The following L3MBTL4 variants were observed in gnomAD, a reference collection of about 807,000 sequenced individuals.
L3MBTL4 encodes L3MBTL histone methyl-lysine binding protein 4, also known as lethal(3)malignant brain tumor-like protein 4.
Under a neutral mutation model 84.5 loss-of-function variants are expected in L3MBTL4, and 70 were observed. The ratio of observed to expected loss-of-function variants is 0.83; its 90% confidence interval spans 0.68 to 1.01. L3MBTL4 has a LOEUF of 1.01. Ranked by LOEUF, L3MBTL4 falls within the 50% of genes least tolerant of loss-of-function variation. The pLI is 0.00. For missense variants in L3MBTL4, 715 were observed against 754.8 expected, an observed-to-expected ratio of 0.95 and a Z score of 0.62; for synonymous variants, 274 against 259.8, an observed-to-expected ratio of 1.05 and a Z score of -0.52.
chr18:6,342,955 A>T (rs2052682533), intron 1 of L3MBTL4, among the ~76,000 whole-genome samples: 1 of 152,212 alleles, frequency 6.6e-6, no homozygotes. Context: ...CAGAAAAAAA[A>T]CTTCACTTTA....
At chr18:6,079,442 G>A (rs1013757922) in intron 16 of L3MBTL4, among the ~76,000 whole-genome samples, 1 of 152,196 alleles carries the variant, frequency 6.6e-6, no homozygotes, top group Non-Finnish European at 1.5e-5. Context: ...GTAAATGCAT[G>A]AATAAATAAA....
intron 12 of L3MBTL4, among the ~76,000 whole-genome samples, chr18:6,193,522 G>A (rs1266537960): frequency 6.6e-6 from 1 of 152,256 alleles, no homozygotes; most frequent in African/African-American, 2.4e-5. Flanking sequence ...AGAGCAGAAA[G>A]TGAAGAGAAC....
chr18:5,992,724 C>T (rs969025413), intron 16 of L3MBTL4, among the ~76,000 whole-genome samples: 8 of 152,156 alleles, frequency 5.3e-5, no homozygotes, highest in Non-Finnish European at 1.2e-4. Flanking sequence ...CCCACTCTCT[C>T]CCTCTTGCTC....
chr18:6,005,986 T>C (rs746538599), intron 16 of L3MBTL4, among the ~76,000 whole-genome samples: 1 of 148,456 alleles, frequency 6.7e-6, no homozygotes, highest in Non-Finnish European at 1.5e-5. Context: ...TGGTAAATTT[T>C]ATATTGTGTA....
chr18:5,972,894 GAA>G lies in L3MBTL4; in HGVS notation c.1445-3334_1445-3333del, dbSNP rs975055534. ...GAATAGAATAGAATAGAACAGAAGA[GAA>G]TAGAATAGAATAGAATAGAATAGAA... is the stretch of plus-strand genomic sequence containing the variant. On this transcript the variant is annotated intron_variant, in intron 16 of 18. Transcript: ENST00000317931. Among the ~76,000 whole-genome samples, 14 of 3,478 alleles carry G rather than the reference GAA, an allele frequency of 4.0e-3. No individual in the cohort carries two copies. In the African/African-American group the frequency reaches 0.042, roughly 10 times the overall value. The allele number at this position is 3,478 out of a possible 152,430, so 2.3% of individuals were successfully genotyped here.
chr18:5,987,099 A>T (rs2145091483), intron 16 of L3MBTL4, among the ~76,000 whole-genome samples: 1 of 152,308 alleles, frequency 6.6e-6, no homozygotes, highest in South Asian at 2.1e-4. Flanking sequence ...CCCCAGCCTC[A>T]GGCGACCAAG....
intron 1 of L3MBTL4, among the ~76,000 whole-genome samples, chr18:6,350,055 T>A (rs1040995035): frequency 3.9e-5 from 6 of 152,190 alleles, no homozygotes; most frequent in Non-Finnish European, 8.8e-5. Context: ...GATATTCACA[T>A]GCAAAATAAT....
chr18:6,306,451 G>C (rs540324995), intron 3 of L3MBTL4, among the ~76,000 whole-genome samples: 1 of 152,178 alleles, frequency 6.6e-6, no homozygotes, highest in Admixed American at 6.5e-5. Context: ...GAATTTTACT[G>C]ACTGTTGTAA....
chr18:6,147,239 C>T (rs1244958553), intron 13 of L3MBTL4, among the ~76,000 whole-genome samples: 1 of 151,928 alleles, frequency 6.6e-6, no homozygotes, highest in South Asian at 2.1e-4. Flanking sequence ...AATAATTACC[C>T]TTGAACATTG....
chr18:6,002,335 T>A (rs2054250590), intron 16 of L3MBTL4, among the ~76,000 whole-genome samples: 1 of 152,116 alleles, frequency 6.6e-6, no homozygotes, highest in Non-Finnish European at 1.5e-5. Flanking sequence ...CTCTAGACAC[T>A]AATTTGAAGG....
chr18:6,345,005 C>CA (rs1449693718), intron 1 of L3MBTL4, among the ~76,000 whole-genome samples: 3 of 151,170 alleles, frequency 2.0e-5, no homozygotes, highest in Admixed American at 2.0e-4. Context: ...AAAAGAAAAA[C>CA]AAAAAAAGGC....
chr18:6,224,472 C>T (rs2046693328), intron 10 of L3MBTL4, among the ~76,000 whole-genome samples: 1 of 152,164 alleles, frequency 6.6e-6, no homozygotes, highest in Non-Finnish European at 1.5e-5. Context: ...GGGGAACCAT[C>T]CCTCATGCAT....
intron 1 of L3MBTL4, among the ~76,000 whole-genome samples, chr18:6,386,176 C>T (rs1260656510): frequency 6.6e-6 from 1 of 152,114 alleles, no homozygotes; most frequent in Non-Finnish European, 1.5e-5. Flanking sequence ...GGAGGTTTCA[C>T]TGCATTTGAG....
chr18:5,976,906 G>T (rs1007041278), intron 16 of L3MBTL4, among the ~76,000 whole-genome samples: 1 of 152,240 alleles, frequency 6.6e-6, no homozygotes, highest in Middle Eastern at 3.4e-3. Flanking sequence ...GGAGTGTGCG[G>T]CAACCCAGCT....
At chr18:6,241,576 CT>C (rs1311499010) in intron 7 of L3MBTL4, 127 bp from the exon 8 acceptor site, 1 of 556,886 alleles carries the variant, frequency 1.8e-6, no homozygotes, top group African/African-American at 1.9e-5. Flanking sequence ...AACGCAATTA[CT>C]TTTGCACCAA....
intron 1 of L3MBTL4, among the ~76,000 whole-genome samples, chr18:6,388,366 A>G (rs341199): frequency 0.51 from 77,032 of 152,110 alleles, 19,585 homozygotes; most frequent in East Asian, 0.59. Context: ...TGCCAGCATT[A>G]TTTGCAGACA....
intron 16 of L3MBTL4, among the ~76,000 whole-genome samples, chr18:6,079,469 C>T (rs975686237): frequency 6.6e-6 from 1 of 152,204 alleles, no homozygotes; most frequent in Non-Finnish European, 1.5e-5. Context: ...TGGGTGTAAA[C>T]TCCTTATACA....
intron 1 of L3MBTL4, among the ~76,000 whole-genome samples, chr18:6,393,754 C>G (rs1371873800): frequency 6.6e-6 from 1 of 152,198 alleles, no homozygotes; most frequent in Non-Finnish European, 1.5e-5. Flanking sequence ...TCATCTCCCA[C>G]CCAGATTGTG....
At chr18:6,290,198 G>C (rs919358956) in intron 4 of L3MBTL4, among the ~76,000 whole-genome samples, 4 of 151,996 alleles carry the variant, frequency 2.6e-5, no homozygotes, top group Admixed American at 2.6e-4. Context: ...TTACAGGCAT[G>C]AGGTGCCGTG....
Sources: allele counts gnomAD v4.1 joint callset (sites outside exome capture counted in the v4.1 genomes callset), GRCh38; gene constraint gnomAD v4.1.1; transcripts MANE v1.5; gene names NCBI Gene and HGNC (gene_info 2026-07-23, HGNC 2026-07-21).